SHISA9: variants seen among roughly 807,000 people sequenced by gnomAD.
SHISA9 encodes protein shisa-9.
SHISA9 carries 13 observed loss-of-function variants against 38.0 expected under a neutral mutation model. The observed-to-expected ratio is 0.34, with a 90% CI of 0.22 to 0.54. The LOEUF (loss-of-function observed/expected upper bound fraction) is 0.54, where lower values mean the gene tolerates loss of function less well. Ranked by LOEUF, SHISA9 falls within the 20% of genes least tolerant of loss-of-function variation. The pLI is 0.91. For synonymous variants in SHISA9, 275 were observed against 242.0 expected, an observed-to-expected ratio of 1.14 and a Z score of -1.27; for missense variants, 538 against 575.8, an observed-to-expected ratio of 0.93 and a Z score of 0.67.
At chr16:12,929,458 C>T (rs192336966) in intron 2 of SHISA9, among the ~76,000 whole-genome samples, 1 of 152,202 alleles carries the variant, frequency 6.6e-6, no homozygotes, top group East Asian at 1.9e-4. Flanking sequence ...ACTATGCAGC[C>T]ATAAAAAGGA....
intron 2 of SHISA9, among the ~76,000 whole-genome samples, chr16:13,104,955 A>C (rs567680983): frequency 6.6e-6 from 1 of 152,172 alleles, no homozygotes; most frequent in Non-Finnish European, 1.5e-5. Context: ...GCCACTGTCA[A>C]TTACTTACGT....
At chr16:13,527,128 TA>T in the SHISA9 span, among the ~76,000 whole-genome samples, 1 of 152,222 alleles carries the variant, frequency 6.6e-6, no homozygotes, top group Non-Finnish European at 1.5e-5. Context: ...CCCCAGGTTA[TA>T]AAGTGTTTAC....
chr16:13,191,859 T>C (rs960209521), intron 2 of SHISA9, among the ~76,000 whole-genome samples: 10 of 152,148 alleles, frequency 6.6e-5, no homozygotes, highest in African/African-American at 2.4e-4. Flanking sequence ...TTGAAAGCTT[T>C]AGTAGAATTT....
the SHISA9 span, among the ~76,000 whole-genome samples, chr16:13,546,281 CCATTT>C: frequency 1.3e-5 from 2 of 152,306 alleles, no homozygotes; most frequent in East Asian, 1.9e-4. Context: ...TCCCACCCTT[CCATTT>C]CATTTTCCTC....
chr16:13,014,968 G>A (rs1410563152), intron 2 of SHISA9, among the ~76,000 whole-genome samples: 1 of 152,216 alleles, frequency 6.6e-6, no homozygotes, highest in Admixed American at 6.5e-5. Flanking sequence ...TCAATGTCCA[G>A]CAGAGGGTTG....
At chr16:13,494,136 T>A in the SHISA9 span, among the ~76,000 whole-genome samples, 1 of 152,236 alleles carries the variant, frequency 6.6e-6, no homozygotes, top group East Asian at 1.9e-4. Context: ...TAAGATTTAA[T>A]GCACTGGTGC....
At chr16:13,063,967 G>T (rs1294900006) in intron 2 of SHISA9, among the ~76,000 whole-genome samples, 1 of 152,232 alleles carries the variant, frequency 6.6e-6, no homozygotes, top group Non-Finnish European at 1.5e-5. Flanking sequence ...ATAATTTTAA[G>T]GCTTCCAGGC....
rs78158460 is a variant in SHISA9 at position 13,109,029 on chromosome 16, C to T, written c.692-94365C>T. On this transcript the variant is annotated intron_variant, in intron 2 of 4. Coordinates refer to ENST00000558583, the MANE Select transcript of SHISA9 (RefSeq NM_001145204.3). ...CTTTGACCTGGCTCTCTCTAGACTC[C>T]AGAGCATTTTGGGATTCTGAAAATC... 3.0e-3 allele frequency among the ~76,000 whole-genome samples: 457 copies of T among 152,236 alleles called. 19 individuals are homozygous for T. In the East Asian group the frequency reaches 0.071, roughly 24 times the overall value.
the SHISA9 span, among the ~76,000 whole-genome samples, chr16:13,368,967 CTG>C: frequency 1.1e-4 from 17 of 152,046 alleles, no homozygotes; most frequent in Non-Finnish European, 2.2e-4. Context: ...ATATGTGAAT[CTG>C]TGTGTTTGGA....
At chr16:13,396,070 G>A in the SHISA9 span, among the ~76,000 whole-genome samples, 6 of 152,196 alleles carry the variant, frequency 3.9e-5, no homozygotes, top group African/African-American at 1.4e-4. Context: ...GTGATCAAGA[G>A]AGGGGGAAGA....
At chr16:13,109,419 C>T (rs2073956690) in intron 2 of SHISA9, among the ~76,000 whole-genome samples, 2 of 152,292 alleles carry the variant, frequency 1.3e-5, no homozygotes, top group South Asian at 2.1e-4. Flanking sequence ...CATCTCTCCT[C>T]ATGCTCAGGG....
At chr16:13,511,638 C>T in the SHISA9 span, among the ~76,000 whole-genome samples, 2 of 152,052 alleles carry the variant, frequency 1.3e-5, no homozygotes, top group South Asian at 4.2e-4. Context: ...CTACTTATTA[C>T]TGGAAGAGTT....
rs555984321 is a variant in SHISA9, at chr16:13,089,433, G to T, written c.692-113961G>T. Among the ~76,000 whole-genome samples the T allele has an allele frequency of 7.6e-4, 115 of 152,116 alleles. 1 individual carries two copies. The highest frequency in any genetic ancestry group is 1.0e-3 in the Non-Finnish European group (68 of 68,008). On this transcript the variant is annotated intron_variant, in intron 2 of 4. Transcript: ENST00000558583. ...TCGGCTGTGAATCCATCTGGTCCTG[G>T]ACTTTTTTTGGTTGGTAGGCTATTA... is the stretch of plus-strand genomic sequence containing the variant.
intron 2 of SHISA9, among the ~76,000 whole-genome samples, chr16:13,007,678 G>T (rs1209744383): frequency 6.6e-6 from 1 of 152,158 alleles, no homozygotes; most frequent in African/African-American, 2.4e-5. Flanking sequence ...CTCTCACATG[G>T]CCCATGCAGA....
chr16:13,289,227 A>G, the SHISA9 span, among the ~76,000 whole-genome samples: 4 of 152,168 alleles, frequency 2.6e-5, no homozygotes, highest in Admixed American at 6.5e-5. Flanking sequence ...TCTCTTGTCT[A>G]TCATATTCCC....
intron 1 of SHISA9, among the ~76,000 whole-genome samples, chr16:12,903,900 C>T (rs1196089877): frequency 6.6e-6 from 1 of 152,104 alleles, no homozygotes; most frequent in African/African-American, 2.4e-5. Context: ...CACCACCTCA[C>T]TAGTAATTAT....
intron 2 of SHISA9, among the ~76,000 whole-genome samples, chr16:13,187,792 G>T (rs1249116215): frequency 2.0e-5 from 3 of 152,190 alleles, no homozygotes; most frequent in African/African-American, 4.8e-5. Flanking sequence ...CTTCAGTGGG[G>T]TTGTGAGTGG....
the SHISA9 span, among the ~76,000 whole-genome samples, chr16:13,293,569 A>C: frequency 6.6e-6 from 1 of 152,184 alleles, no homozygotes; most frequent in Non-Finnish European, 1.5e-5. Context: ...AAATATATAT[A>C]ATGTACTAGT....
At chr16:13,311,520 T>C in the SHISA9 span, among the ~76,000 whole-genome samples, 5 of 152,190 alleles carry the variant, frequency 3.3e-5, no homozygotes, top group Admixed American at 1.3e-4. Flanking sequence ...CTCTGATTGG[T>C]CCAGCCTTGG....
Sources: allele counts gnomAD v4.1 joint callset (sites outside exome capture counted in the v4.1 genomes callset), GRCh38; gene constraint gnomAD v4.1.1; transcripts MANE v1.5; gene names NCBI Gene and HGNC (gene_info 2026-07-23, HGNC 2026-07-21).